GHITM: variants seen among roughly 807,000 people sequenced by gnomAD.
GHITM encodes growth hormone-inducible transmembrane protein.
Under a neutral mutation model 38.7 loss-of-function variants are expected in GHITM, and 24 were observed. That is an observed-to-expected ratio of 0.62 (90% confidence interval 0.45 to 0.87). The LOEUF (loss-of-function observed/expected upper bound fraction) is 0.87, where lower values mean the gene tolerates loss of function less well. Ranked by LOEUF, GHITM falls within the 40% of genes least tolerant of loss-of-function variation. The pLI is 0.00. For missense variants in GHITM, 420 were observed against 429.8 expected (o/e 0.98, Z 0.20); for synonymous variants, 154 against 147.8 (o/e 1.04, Z -0.30).
chr10:84,152,011 T>C (rs767039941), intron 8 of GHITM, among the ~76,000 whole-genome samples: 5 of 152,346 alleles, frequency 3.3e-5, no homozygotes, highest in East Asian at 1.9e-4. Flanking sequence ...CAAGTTGATA[T>C]ATGCAGAGTG....
rs772579441 is a variant in GHITM at position 84,141,555 on chromosome 10, C to A, written c.55C>A (p.Pro19Thr). The change falls in exon 2 of 9, where the codon CCA becomes ACA. Residue 19 changes from proline (P) to threonine (T), a missense_variant. Transcript: ENST00000372134. ...LRTLPSRVFHPAFTKASPVVK... is the reference protein window; with the variant it reads ...LRTLPSRVFHTAFTKASPVVK... ...GACACTACCTTCTAGGGTTTTCCAC[C>A]CAGCTTTCACCAAGGCCTCCCCTGT... The A allele has an allele frequency of 1.2e-6, 2 of 1,613,336 alleles. No individual in the cohort carries two copies. The highest frequency in any genetic ancestry group is 1.7e-6 in the Non-Finnish European group (2 of 1,179,328).
In GHITM at chr10:84,144,946, C is replaced by T. The variant is rs1370559658; in HGVS notation, c.413C>T (p.Thr138Ile). ...TACTTAGCAGGGAGTATTGGTTTAA[C>T]AGCTTTGTCTGCCATAGCAATCAGC... ...YMYLAGSIGLTALSAIAISRT... is the reference protein window; with the variant it reads ...YMYLAGSIGLIALSAIAISRT... Residue 138 changes from threonine (T) to isoleucine (I), a missense_variant, in exon 5 of 9, where the codon ACA (threonine) becomes ATA (isoleucine). Physicochemically the swap from Thr to Ile is moderately conservative, Grantham distance 89. Coordinates refer to ENST00000372134, the MANE Select transcript of GHITM (RefSeq NM_014394.3). The T allele has an allele frequency of 6.2e-7, 1 of 1,611,774 alleles. No individual in the cohort carries two copies. The highest frequency in any genetic ancestry group is 2.2e-5 in the East Asian group (1 of 44,826).
rs1340052599 is a variant in GHITM at position 84,141,535 on chromosome 10, T to G, written c.35T>G (p.Leu12Arg). Residue 12 changes from leucine to arginine, a missense_variant, in exon 2 of 9, where the codon CTA becomes CGA. Leu to Arg is a moderately radical substitution (Grantham distance 102, BLOSUM62 -2). Coordinates refer to ENST00000372134, the MANE Select transcript of GHITM (RefSeq NM_014394.3). ...GCAAGGCTGGTGTGTCTCCGGACAC[T>G]ACCTTCTAGGGTTTTCCACCCAGCT... Reference protein sequence around the residue: ...LAARLVCLRTLPSRVFHPAFT... With the variant: ...LAARLVCLRTRPSRVFHPAFT... 6.2e-7 allele frequency: 1 copy of G among 1,613,696 alleles called. No homozygotes were observed. Among genetic ancestry groups the G allele is most frequent in the South Asian group, 1.1e-5 (1 of 91,072 alleles).
intron 8 of GHITM, among the ~76,000 whole-genome samples, chr10:84,151,886 G>T (rs78710129): frequency 6.6e-6 from 1 of 152,092 alleles, no homozygotes; most frequent in Non-Finnish European, 1.5e-5. Context: ...CTTTAGAGGG[G>T]TGAAGTGGGT....
chr10:84,150,212 G>A lies in GHITM; in HGVS notation c.750G>A (p.Val250=), dbSNP rs370254416. 73 of 1,611,956 alleles carry A rather than the reference G, an allele frequency of 4.5e-5. No homozygotes were observed. Among genetic ancestry groups the A allele is most frequent in the Non-Finnish European group, 5.9e-5 (69 of 1,179,248 alleles). Residue 250 remains valine (V), a synonymous_variant, in exon 7 of 9, where the codon GTG becomes GTA. Coordinates refer to ENST00000372134, the MANE Select transcript of GHITM (RefSeq NM_014394.3). ...TGAACATGGGTGCACCCCTGGGAGTGGGCCTGGGTCTCGTCTTTGTGTCCT... is the reference window on the plus strand; with the variant it reads ...TGAACATGGGTGCACCCCTGGGAGTAGGCCTGGGTCTCGTCTTTGTGTCCT... ...KFLNMGAPLG[V]GLGLVFVSSL...
Position 84,150,241 on chromosome 10 carries a change from T to C in GHITM, c.779T>C (p.Leu260Ser). 6.2e-7 allele frequency: 1 copy of C among 1,600,278 alleles called. No individual in the cohort carries two copies. The highest frequency in any genetic ancestry group is 8.5e-7 in the Non-Finnish European group (1 of 1,172,034). Residue 260 changes from leucine (L) to serine (S), a missense_variant and splice_region_variant, in exon 7 of 9, where the codon TTG (leucine) becomes TCG (serine). Coordinates refer to ENST00000372134, the MANE Select transcript of GHITM (RefSeq NM_014394.3). ...CTGGGTCTCGTCTTTGTGTCCTCAT[T>C]GGGTAAGCTGCTGTGTTTTAACACT... The part of the protein sequence containing the change: ...VGLGLVFVSS[L>S]GSMFLPPTTV...
At chr10:84,152,218 CTATT>C (rs1841619410) in intron 8 of GHITM, 42 bp from the exon 9 acceptor site, 1 of 842,870 alleles carries the variant, frequency 1.2e-6, no homozygotes, top group Non-Finnish European at 2.0e-6. Flanking sequence ...TTCAACATCA[CTATT>C]AGAATTGCAT....
Position 84,141,637 on chromosome 10 carries a change from T to C in GHITM, c.129+8T>C, listed in dbSNP as rs922570869. ...CTGTTAACACCTAGCAGGGTAAAGA[T>C]AATCTGAATGTTTTTATATTGCTTC... is the stretch of plus-strand genomic sequence containing the variant. On this transcript the variant is annotated splice_region_variant and intron_variant, in intron 2 of 8. Coordinates refer to ENST00000372134, the MANE Select transcript of GHITM (RefSeq NM_014394.3). 1.2e-6 allele frequency: 2 copies of C among 1,613,292 alleles called. No individual in the cohort carries two copies. The highest frequency in any genetic ancestry group is 1.7e-6 in the Non-Finnish European group (2 of 1,179,354).
intron 4 of GHITM, among the ~76,000 whole-genome samples, chr10:84,144,435 A>G (rs538442831): frequency 1.3e-5 from 2 of 152,270 alleles, no homozygotes; most frequent in Admixed American, 6.5e-5. Flanking sequence ...GGCTCACTGC[A>G]ACCTCCGCCT....
intron 8 of GHITM, among the ~76,000 whole-genome samples, chr10:84,151,871 G>T (rs1049270747): frequency 1.3e-5 from 2 of 152,082 alleles, no homozygotes; most frequent in African/African-American, 4.8e-5. Flanking sequence ...ATTTGTAGAA[G>T]TTTTCTTTAG....
At chr10:84,146,126 G>A (rs1032547700) in intron 5 of GHITM, among the ~76,000 whole-genome samples, 6 of 152,152 alleles carry the variant, frequency 3.9e-5, no homozygotes, top group African/African-American at 1.2e-4. Context: ...AAGGGAAGAG[G>A]AGGTAGGAAA....
In GHITM at chr10:84,142,739, G is replaced by A. The variant is rs774339368; in HGVS notation, c.214G>A (p.Glu72Lys). 2 of 1,593,970 alleles carry A rather than the reference G, an allele frequency of 1.3e-6. No homozygotes were observed. Among genetic ancestry groups the A allele is most frequent in the South Asian group, 2.2e-5 (2 of 90,192 alleles). ...LKEAALEPSM[E>K]KIFKIDQMGR... ...AGAGGCAGCATTGGAACCATCGATG[G>A]AAAAAATATTTAAAAGTAGGTGGCT... The change falls in exon 3 of 9, where the codon GAA (glutamate) becomes AAA (lysine). Residue 72 changes from glutamate (E) to lysine (K), a missense_variant. Physicochemically the swap from Glu to Lys is moderately conservative, Grantham distance 56. Coordinates refer to ENST00000372134, the MANE Select transcript of GHITM (RefSeq NM_014394.3).
At chr10:84,141,426 GT>G in intron 1 of GHITM, 35 bp from the exon 2 acceptor site, 4 of 1,406,428 alleles carry the variant, frequency 2.8e-6, no homozygotes, top group East Asian at 2.3e-5. Flanking sequence ...TTTTACTTAT[GT>G]TTTTTTGGTT....
Position 84,145,023 on chromosome 10 carries a change from C to A in GHITM, c.483+7C>A. The A allele has an allele frequency of 6.3e-7, 1 of 1,581,140 alleles. No individual in the cohort carries two copies. Among genetic ancestry groups the A allele is most frequent in the South Asian group, 1.2e-5 (1 of 86,214 alleles). ...GATGAGAGGCTCTTGGGTGGTAAGT[C>A]AGCTGTTTTTGTTTTCCTTTTTCAT... On this transcript the variant is annotated splice_region_variant and intron_variant, in intron 5 of 8. Transcript: ENST00000372134.
chr10:84,141,723 T>C (rs1841509095), intron 2 of GHITM, 94 bp downstream of exon 2: 1 of 1,175,060 alleles, frequency 8.5e-7, no homozygotes, highest in South Asian at 1.3e-5. Context: ...TAGTGTGTTA[T>C]ACGTCAGTTA....
chr10:84,139,525 T>G lies in GHITM; in HGVS notation c.-108T>G, dbSNP rs1841483227. 1 of 152,274 alleles carries G rather than the reference T, an allele frequency of 6.6e-6. No homozygotes were observed. The highest frequency in any genetic ancestry group is 1.5e-5 in the Non-Finnish European group (1 of 68,076). The allele number at this position is 152,274 out of a possible 1,614,324, so 9.4% of individuals were successfully genotyped here. On this transcript the variant is annotated 5_prime_UTR_variant, in exon 1 of 9. Transcript: ENST00000372134. ...GCGTCATGCAGTGCGCCGGAGGAAC[T>G]GTGCTCTTTGAGGCCGACGCTAGGG... is the stretch of plus-strand genomic sequence containing the variant.
Position 84,150,667 on chromosome 10 carries a change from T to C in GHITM, c.782-42T>C, listed in dbSNP as rs773106708. ...AAATCATAAACTCAGTTATCGGAAA[T>C]CCTTTTTTAAAAAAAATCTTGTTTT... On this transcript the variant is annotated intron_variant, in intron 7 of 8. Coordinates refer to ENST00000372134, the MANE Select transcript of GHITM (RefSeq NM_014394.3). 11 of 1,507,552 alleles carry C rather than the reference T, an allele frequency of 7.3e-6. No homozygotes were observed. In the African/African-American group the frequency reaches 1.5e-4, roughly 21 times the overall value. 93.4% of individuals were successfully genotyped at this position (1,507,552 alleles called of 1,614,324 possible).
chr10:84,144,239 T>G, intron 4 of GHITM, 133 bp downstream of exon 4: 1 of 578,928 alleles, frequency 1.7e-6, no homozygotes, highest in East Asian at 2.7e-5. Context: ...TACACACAAA[T>G]AGAGAATCTC....
chr10:84,141,543 A>G lies in GHITM; in HGVS notation c.43A>G (p.Arg15Gly), dbSNP rs777888371. The stretch of plus-strand genomic sequence containing the variant: ...GGTGTGTCTCCGGACACTACCTTCT[A>G]GGGTTTTCCACCCAGCTTTCACCAA... ...RLVCLRTLPS[R>G]VFHPAFTKAS... Residue 15 changes from arginine to glycine, a missense_variant, in exon 2 of 9, where the codon AGG (arginine) becomes GGG (glycine). Physicochemically the swap from Arg to Gly is moderately radical, Grantham distance 125. Transcript: ENST00000372134. The G allele has an allele frequency of 2.1e-5, 34 of 1,613,474 alleles. No individual in the cohort carries two copies. The highest frequency in any genetic ancestry group is 2.8e-5 in the Non-Finnish European group (33 of 1,179,520).
Sources: gnomAD v4.1 joint callset for allele counts (sites outside exome capture counted in the v4.1 genomes callset) on GRCh38, gnomAD v4.1.1 for gene constraint, MANE v1.5 for transcripts, NCBI Gene and HGNC (gene_info 2026-07-23, HGNC 2026-07-21) for gene names.